SH3RF2: variants seen among roughly 807,000 people sequenced by gnomAD.
SH3RF2 encodes SH3 domain containing ring finger 2.
In SH3RF2, 43 loss-of-function variants were observed where a neutral mutation model predicts 59.0. The observed-to-expected ratio is 0.73, with a 90% confidence interval of 0.57 to 0.94. The LOEUF (loss-of-function observed/expected upper bound fraction) is 0.94, where lower values mean the gene tolerates loss of function less well. Among genes scored for constraint, SH3RF2 ranks in the 40% least tolerant of loss-of-function variants. SH3RF2 has a pLI of 0.00. For missense variants in SH3RF2, 930 were observed against 940.1 expected, an observed-to-expected ratio of 0.99 and a Z score of 0.14; for synonymous variants, 391 against 391.5, an observed-to-expected ratio of 1.00 and a Z score of 0.01.
At chr5:146,010,857 T>C (rs1760859823) in intron 4 of SH3RF2, among the ~76,000 whole-genome samples, 1 of 152,220 alleles carries the variant, frequency 6.6e-6, no homozygotes, top group African/African-American at 2.4e-5. Context: ...GCAGTTTCTT[T>C]TGCTGTGCAG....
At chr5:146,060,524 C>G (rs950357060) in intron 9 of SH3RF2, among the ~76,000 whole-genome samples, 1 of 152,048 alleles carries the variant, frequency 6.6e-6, no homozygotes, top group Non-Finnish European at 1.5e-5. Context: ...TTAGATGAAT[C>G]TTGCTTTGAA....
intron 8 of SH3RF2, 158 bp downstream of exon 8, chr5:146,056,371 T>G: frequency 8.0e-7 from 1 of 1,255,896 alleles, no homozygotes; most frequent in Non-Finnish European, 1.1e-6. Flanking sequence ...TTTTATTGAA[T>G]GAAGTCATAC....
chr5:145,996,067 CT>C (rs1760135538), intron 2 of SH3RF2, among the ~76,000 whole-genome samples: 1 of 152,186 alleles, frequency 6.6e-6, no homozygotes, highest in East Asian at 1.9e-4. Context: ...TTTTTCACCC[CT>C]GGGGTCTCCT....
chr5:146,039,365 T>G (rs966177456), intron 5 of SH3RF2, among the ~76,000 whole-genome samples: 3 of 151,908 alleles, frequency 2.0e-5, no homozygotes, highest in African/African-American at 7.3e-5. Flanking sequence ...TACAAAGAAT[T>G]CATATCCAAT....
chr5:146,035,348 ATTAACTTTTTTT>A (rs1352180751), intron 5 of SH3RF2, among the ~76,000 whole-genome samples: 1 of 138,338 alleles, frequency 7.2e-6, no homozygotes, highest in Non-Finnish European at 1.6e-5. Context: ...ATTTTTTTTA[ATTAACTTTTTTT>A]TTAACTTTTT....
chr5:146,064,670 GAAA>G (rs1763015416), downstream of SH3RF2, among the ~76,000 whole-genome samples: 1 of 4,000 alleles, frequency 2.5e-4, no homozygotes, highest in African/African-American at 5.8e-4. Flanking sequence ...GAAAGAGAAA[GAAA>G]GAAAGAAAGA....
intron 5 of SH3RF2, chr5:146,043,834 A>G (rs1272350685): frequency 4.6e-5 from 7 of 152,204 alleles, no homozygotes; most frequent in African/African-American, 1.7e-4. Flanking sequence ...TTATACCACA[A>G]TTCGCCTCTT....
At chr5:146,040,312 T>C (rs552519812) in intron 5 of SH3RF2, among the ~76,000 whole-genome samples, 2 of 152,222 alleles carry the variant, frequency 1.3e-5, no homozygotes, top group Admixed American at 6.5e-5. Flanking sequence ...AAAATATATA[T>C]ACTTATCCGT....
intron 5 of SH3RF2, chr5:146,043,937 G>A (rs1230556061): frequency 6.6e-6 from 1 of 152,086 alleles, no homozygotes; most frequent in Non-Finnish European, 1.5e-5. Context: ...GTCCTTCTAT[G>A]GACATATGTT....
intron 2 of SH3RF2, chr5:145,997,558 C>A (rs962102836): frequency 1.2e-6 from 2 of 1,607,740 alleles, no homozygotes; most frequent in Non-Finnish European, 1.7e-6. Flanking sequence ...GGAGTTATTA[C>A]GGTTTCAGGA....
chr5:145,973,680 G>T (rs192827085), intron 2 of SH3RF2, among the ~76,000 whole-genome samples: 142 of 152,172 alleles, frequency 9.3e-4, no homozygotes, highest in East Asian at 6.8e-3. Flanking sequence ...GTTCTTTGTG[G>T]TTTTTTTGTT....
chr5:145,985,917 T>A (rs1316092760), intron 2 of SH3RF2, among the ~76,000 whole-genome samples: 1 of 151,968 alleles, frequency 6.6e-6, no homozygotes, highest in Non-Finnish European at 1.5e-5. Context: ...GGCAGGAGGA[T>A]CTCTTGAGCC....
At chr5:146,000,403 A>G in intron 3 of SH3RF2, 76 bp downstream of exon 3, 1 of 1,301,024 alleles carries the variant, frequency 7.7e-7, no homozygotes, top group Non-Finnish European at 1.0e-6. Flanking sequence ...CTTGTTTAAT[A>G]TTTGCTGATT....
At chr5:145,955,911 A>T (rs140175709) in intron 2 of SH3RF2, among the ~76,000 whole-genome samples, 1 of 152,340 alleles carries the variant, frequency 6.6e-6, no homozygotes, top group Non-Finnish European at 1.5e-5. Flanking sequence ...TAAAAAGGCC[A>T]TTCAAACTTT....
At chr5:145,944,349 T>C (rs1392333555) in intron 2 of SH3RF2, among the ~76,000 whole-genome samples, 1 of 151,782 alleles carries the variant, frequency 6.6e-6, no homozygotes, top group African/African-American at 2.4e-5. Flanking sequence ...TTTTTTTTTT[T>C]TTTTTTAAAT....
intron 2 of SH3RF2, among the ~76,000 whole-genome samples, chr5:145,945,375 C>T (rs1289715033): frequency 6.6e-6 from 1 of 152,132 alleles, no homozygotes; most frequent in Non-Finnish European, 1.5e-5. Context: ...AAAGTAGACA[C>T]TTAAACTGGG....
intron 5 of SH3RF2, among the ~76,000 whole-genome samples, chr5:146,041,817 G>C (rs2150010668): frequency 6.6e-6 from 1 of 152,282 alleles, no homozygotes; most frequent in Non-Finnish European, 1.5e-5. Context: ...TGTAGTCCCA[G>C]CCACTCAGGA....
intron 2 of SH3RF2, among the ~76,000 whole-genome samples, chr5:145,986,419 C>T (rs1670094961): frequency 3.3e-5 from 5 of 152,132 alleles, no homozygotes; most frequent in Admixed American, 2.6e-4. Context: ...GACTCACCCA[C>T]CACGTGCCAC....
intron 5 of SH3RF2, among the ~76,000 whole-genome samples, chr5:146,045,334 A>G (rs1762266258): frequency 6.6e-6 from 1 of 152,248 alleles, no homozygotes; most frequent in Admixed American, 6.5e-5. Flanking sequence ...TTATTGAGAT[A>G]TCATTCACCT....
Sources: gnomAD v4.1 joint callset for allele counts (sites outside exome capture counted in the v4.1 genomes callset) on GRCh38, gnomAD v4.1.1 for gene constraint, MANE v1.5 for transcripts, NCBI Gene and HGNC (gene_info 2026-07-23, HGNC 2026-07-21) for gene names.